The following ATXN10 variants were observed in gnomAD, a reference collection of about 807,000 sequenced individuals.
The protein encoded by ATXN10 is ataxin 10, also known as ataxin-10.
In ATXN10, 28 loss-of-function variants were observed where a neutral mutation model predicts 52.9. The ratio of observed to expected loss-of-function variants is 0.53; its 90% CI spans 0.39 to 0.73. ATXN10 has a LOEUF of 0.73. Among genes scored for constraint, ATXN10 ranks in the 30% least tolerant of loss-of-function variants. The pLI is 0.00. For missense variants in ATXN10, 565 were observed against 577.0 expected (o/e 0.98, Z 0.21); for synonymous variants, 226 against 221.5 (o/e 1.02, Z -0.18).
At position 45,781,031 on chromosome 22, in the gene ATXN10, A is replaced by G. The variant is rs1927131543; in HGVS notation, c.1174-25928A>G. On this transcript the variant is annotated intron_variant, in intron 9 of 11. Coordinates refer to ENST00000252934, the MANE Select transcript of ATXN10 (RefSeq NM_013236.4). This position sits in a 1 kb window ranked among gnomAD's most constrained non-coding sequence, Gnocchi z 4.2. ...GAAACACCAATGGGTGCAGACCAGA[A>G]AGCCCTGAGGAAAGCTCACTCTTTC... 6.6e-6 allele frequency among the ~76,000 whole-genome samples: 1 copy of G among 152,226 alleles called. No homozygotes were observed. Among genetic ancestry groups the G allele is most frequent in the Non-Finnish European group, 1.5e-5 (1 of 68,034 alleles).
intron 5 of ATXN10, among the ~76,000 whole-genome samples, chr22:45,711,392 G>A (rs1924243988): frequency 6.6e-6 from 1 of 152,142 alleles, no homozygotes; most frequent in African/African-American, 2.4e-5. Context: ...AGTTATAGGC[G>A]GGTGAACCTG....
At chr22:45,778,732 A>AG (rs1927046071) in intron 9 of ATXN10, among the ~76,000 whole-genome samples, 1 of 152,240 alleles carries the variant, frequency 6.6e-6, no homozygotes, top group Admixed American at 6.5e-5. Context: ...GAGCAGTCTG[A>AG]GATTGACAAG....
At chr22:45,716,867 T>C (rs897534806) in intron 5 of ATXN10, among the ~76,000 whole-genome samples, 53 of 152,298 alleles carry the variant, frequency 3.5e-4, no homozygotes, top group African/African-American at 1.3e-3. Context: ...AGAGCACTAA[T>C]TACCAACACT....
At chr22:45,800,689 C>T (rs560101932) in intron 9 of ATXN10, among the ~76,000 whole-genome samples, 1 of 152,298 alleles carries the variant, frequency 6.6e-6, no homozygotes, top group South Asian at 2.1e-4. Context: ...GGTATCAACC[C>T]AGTGGCCATC....
chr22:45,760,342 A>G (rs942053023), intron 9 of ATXN10, among the ~76,000 whole-genome samples: 3 of 152,120 alleles, frequency 2.0e-5, no homozygotes, highest in African/African-American at 7.2e-5. Flanking sequence ...ACCAGTGATT[A>G]TTATTCAACA....
In ATXN10 at chr22:45,837,967, C is replaced by T. The variant is rs1929223247; in HGVS notation, c.1238-5024C>T. Among the ~76,000 whole-genome samples the T allele has an allele frequency of 6.6e-6, 1 of 152,180 alleles. No homozygotes were observed. Among genetic ancestry groups the T allele is most frequent in the Non-Finnish European group, 1.5e-5 (1 of 68,030 alleles). On this transcript the variant is annotated intron_variant, in intron 10 of 11. Coordinates refer to ENST00000252934, the MANE Select transcript of ATXN10 (RefSeq NM_013236.4). The surrounding 1 kb of genome is among the most constrained non-coding windows in gnomAD (Gnocchi z 5.8). ...ACAGAGCAGTGACCAGAACAGAGTT[C>T]CTGTCGCCCTGGAGTCTACATTTAA...
Position 45,789,409 on chromosome 22 carries a change from G to A in ATXN10, c.1174-17550G>A, listed in dbSNP as rs1159347228. On this transcript the variant is annotated intron_variant, in intron 9 of 11. Coordinates refer to ENST00000252934, the MANE Select transcript of ATXN10 (RefSeq NM_013236.4). The surrounding 1 kb of genome is among the most constrained non-coding windows in gnomAD (Gnocchi z 4.0). ...TCATTGTTAAGTATCTCGGGACCGG[G>A]CAAGGGATGCAAGGATGAGTGGAAA... Among the ~76,000 whole-genome samples, 1 of 152,146 alleles carries A rather than the reference G, an allele frequency of 6.6e-6. No homozygotes were observed. The highest frequency in any genetic ancestry group is 1.5e-5 in the Non-Finnish European group (1 of 68,042).
rs1926724271 is a variant in ATXN10, at chr22:45,770,096, A to G, written c.1173+29558A>G. ...TTTCTTGAGAAATGATTATGTGTCA[A>G]GCTCTGTGCTTTCTGTATGCCATTT... On this transcript the variant is annotated intron_variant, in intron 9 of 11. Coordinates refer to ENST00000252934, the MANE Select transcript of ATXN10 (RefSeq NM_013236.4). The surrounding 1 kb of genome is among the most constrained non-coding windows in gnomAD (Gnocchi z 4.5). 6.6e-6 allele frequency among the ~76,000 whole-genome samples: 1 copy of G among 152,126 alleles called. No individual in the cohort carries two copies. Among genetic ancestry groups the G allele is most frequent in the East Asian group, 1.9e-4 (1 of 5,190 alleles).
chr22:45,701,917 G>T lies in ATXN10; in HGVS notation c.489-772G>T, dbSNP rs1923856395. On this transcript the variant is annotated intron_variant, in intron 4 of 11. Transcript: ENST00000252934. This position sits in a 1 kb window ranked among gnomAD's most constrained non-coding sequence, Gnocchi z 4.2. ...TCGTCATTAAAAACCCTGTGAAATAGAGGTTTTGTTATTGTATTTTATTTT... is the reference window on the plus strand; with the variant it reads ...TCGTCATTAAAAACCCTGTGAAATATAGGTTTTGTTATTGTATTTTATTTT... Among the ~76,000 whole-genome samples the T allele has an allele frequency of 1.3e-5, 2 of 152,162 alleles. No homozygotes were observed. Among genetic ancestry groups the T allele is most frequent in the Non-Finnish European group, 2.9e-5 (2 of 68,026 alleles).
rs1326424626 is a variant in ATXN10 at position 45,690,644 on chromosome 22, C to T, written c.308+741C>T. On this transcript the variant is annotated intron_variant, in intron 2 of 11. Coordinates refer to ENST00000252934, the MANE Select transcript of ATXN10 (RefSeq NM_013236.4). This position sits in a 1 kb window ranked among gnomAD's most constrained non-coding sequence, Gnocchi z 4.5. The stretch of plus-strand genomic sequence containing the variant: ...ACAAGAAGCATATTTTGTAAATTTA[C>T]AAGATGACCTGTCTTTCCTAAAGAT... Among the ~76,000 whole-genome samples the T allele has an allele frequency of 6.6e-6, 1 of 152,170 alleles. No homozygotes were observed. The highest frequency in any genetic ancestry group is 2.4e-5 in the African/African-American group (1 of 41,444).
At position 45,766,240 on chromosome 22, in the gene ATXN10, C is replaced by G. The variant is rs1288030919; in HGVS notation, c.1173+25702C>G. On this transcript the variant is annotated intron_variant, in intron 9 of 11. Coordinates refer to ENST00000252934, the MANE Select transcript of ATXN10 (RefSeq NM_013236.4). The surrounding 1 kb of genome is among the most constrained non-coding windows in gnomAD (Gnocchi z 4.6). ...GTACTGGTCCATGGCCTGTTAGGAA[C>G]CAGGCCACACAGCTGAGCTCTGCCT... Among the ~76,000 whole-genome samples the G allele has an allele frequency of 6.6e-6, 1 of 152,184 alleles. No individual in the cohort carries two copies. The highest frequency in any genetic ancestry group is 1.5e-5 in the Non-Finnish European group (1 of 68,036).
In ATXN10 at chr22:45,788,560, G is replaced by C. The variant is rs188235597; in HGVS notation, c.1174-18399G>C. Among the ~76,000 whole-genome samples, 11 of 151,794 alleles carry C rather than the reference G, an allele frequency of 7.2e-5. No homozygotes were observed. The East Asian group carries it at 2.1e-3, about 29-fold the overall frequency. On this transcript the variant is annotated intron_variant, in intron 9 of 11. Transcript: ENST00000252934. ...CTTCCTCACTGGGCTTCTTCGTGCC[G>C]CTCTTGCTCCTTCTCACACAAATCT...
intron 1 of ATXN10, chr22:45,674,338 G>C (rs1922596534): frequency 6.6e-6 from 1 of 152,304 alleles, no homozygotes; most frequent in Non-Finnish European, 1.5e-5. Flanking sequence ...TCCAGGCAGA[G>C]ATTGGAGACC....
intron 3 of ATXN10, 80 bp downstream of exon 3, chr22:45,693,158 C>A: frequency 9.3e-7 from 1 of 1,074,926 alleles, no homozygotes. Flanking sequence ...TAACATCATT[C>A]ATTGAAACAC....
At position 45,705,830 on chromosome 22, in the gene ATXN10, G is replaced by A. The variant is rs1924018067; in HGVS notation, c.647+2983G>A. Reference sequence around the variant, plus strand: ...ATTTGCCTGTTTGGTCTAGGCCGGGGGTCCTCCAGCCCCCGACCTGTGGAC... The same window carrying A: ...ATTTGCCTGTTTGGTCTAGGCCGGGAGTCCTCCAGCCCCCGACCTGTGGAC... On this transcript the variant is annotated intron_variant, in intron 5 of 11. Coordinates refer to ENST00000252934, the MANE Select transcript of ATXN10 (RefSeq NM_013236.4). This position sits in a 1 kb window ranked among gnomAD's most constrained non-coding sequence, Gnocchi z 5.2. 6.6e-6 allele frequency among the ~76,000 whole-genome samples: 1 copy of A among 152,082 alleles called. No homozygotes were observed. Among genetic ancestry groups the A allele is most frequent in the Admixed American group, 6.5e-5 (1 of 15,270 alleles).
chr22:45,840,952 A>C lies in ATXN10; in HGVS notation c.1238-2039A>C, dbSNP rs1569085373. ...TCACTGACTCCTCCTTTTCCTACAAAAGGTGAGAAAATGAGTTTGTGTATC... is the reference window on the plus strand; with the variant it reads ...TCACTGACTCCTCCTTTTCCTACAACAGGTGAGAAAATGAGTTTGTGTATC... On this transcript the variant is annotated intron_variant, in intron 10 of 11. Transcript: ENST00000252934. The surrounding 1 kb of genome is among the most constrained non-coding windows in gnomAD (Gnocchi z 5.8). 6.6e-6 allele frequency among the ~76,000 whole-genome samples: 1 copy of C among 152,176 alleles called. No individual in the cohort carries two copies. The highest frequency in any genetic ancestry group is 1.5e-5 in the Non-Finnish European group (1 of 68,030).
At chr22:45,734,638 C>G (rs969503878) in intron 7 of ATXN10, among the ~76,000 whole-genome samples, 3 of 149,930 alleles carry the variant, frequency 2.0e-5, no homozygotes, top group Non-Finnish European at 3.0e-5. Flanking sequence ...CCTACATAGT[C>G]TAGTTCTTTC....
rs116874718 is a variant in ATXN10, at chr22:45,751,229, C to T, written c.1173+10691C>T. ...TACAGGTGTGAGCCACCATGCCCAG[C>T]CTCTTTGTTCTTCTTTTATACTTTG... On this transcript the variant is annotated intron_variant, in intron 9 of 11. Coordinates refer to ENST00000252934, the MANE Select transcript of ATXN10 (RefSeq NM_013236.4). Among the ~76,000 whole-genome samples, 487 of 152,306 alleles carry T rather than the reference C, an allele frequency of 3.2e-3. 2 individuals carry two copies. Among genetic ancestry groups the T allele is most frequent in the Non-Finnish European group, 5.7e-3 (389 of 68,018 alleles).
intron 9 of ATXN10, among the ~76,000 whole-genome samples, chr22:45,804,308 C>T (rs988061150): frequency 1.3e-5 from 2 of 152,172 alleles, no homozygotes; most frequent in Admixed American, 6.5e-5. Flanking sequence ...CAGAATTAAA[C>T]GAAGTCATTA....
Sources: gnomAD v4.1 joint callset for allele counts (sites outside exome capture counted in the v4.1 genomes callset) on GRCh38, gnomAD v4.1.1 for gene constraint, Gnocchi (gnomAD v3.1) non-coding constraint, MANE v1.5 for transcripts, NCBI Gene and HGNC (gene_info 2026-07-23, HGNC 2026-07-21) for gene names.